The following ACSS3 variants were observed in gnomAD, a reference collection of about 807,000 sequenced individuals.
ACSS3 encodes the protein acyl-CoA synthetase short-chain family member 3, mitochondrial.
A neutral mutation model predicts 84.2 loss-of-function variants in ACSS3; 64 were observed. The ratio of observed to expected loss-of-function variants is 0.76; its 90% confidence interval spans 0.62 to 0.94. The LOEUF is 0.94. Among genes scored for constraint, ACSS3 ranks in the 40% least tolerant of loss-of-function variants. The pLI is 0.00. For synonymous variants in ACSS3, 317 were observed against 310.1 expected (o/e 1.02, Z -0.23); for missense variants, 815 against 867.6 (o/e 0.94, Z 0.76).
At chr12:81,140,499 A>G (rs1208047378) in intron 4 of ACSS3, among the ~76,000 whole-genome samples, 1 of 152,220 alleles carries the variant, frequency 6.6e-6, no homozygotes, top group Non-Finnish European at 1.5e-5. Flanking sequence ...ATGACAAGAT[A>G]TGAGAACAGA....
chr12:81,229,971 A>G (rs2033400912), intron 11 of ACSS3, among the ~76,000 whole-genome samples: 1 of 151,834 alleles, frequency 6.6e-6, no homozygotes, highest in Non-Finnish European at 1.5e-5. Flanking sequence ...ATGAAGTTCT[A>G]ATGTTGAGGT....
At chr12:81,220,997 A>G (rs930556960) in intron 11 of ACSS3, among the ~76,000 whole-genome samples, 6 of 152,108 alleles carry the variant, frequency 3.9e-5, no homozygotes, top group African/African-American at 1.4e-4. Context: ...ATCATCTTAT[A>G]AAGTTCCTGA....
intron 2 of ACSS3, among the ~76,000 whole-genome samples, chr12:81,130,635 G>C (rs891441934): frequency 6.6e-6 from 1 of 152,076 alleles, no homozygotes; most frequent in Admixed American, 6.6e-5. Context: ...AGTTTAATTA[G>C]ATCCCATTTG....
intron 13 of ACSS3, among the ~76,000 whole-genome samples, chr12:81,251,823 G>C (rs4601887): frequency 6.6e-6 from 1 of 151,832 alleles, no homozygotes; most frequent in South Asian, 2.1e-4. Context: ...AGCTTAGGTG[G>C]CAGAGTGAGA....
intron 11 of ACSS3, among the ~76,000 whole-genome samples, chr12:81,229,048 C>T (rs1007058239): frequency 1.3e-5 from 2 of 151,718 alleles, no homozygotes; most frequent in Admixed American, 6.6e-5. Flanking sequence ...CTGTAATTTG[C>T]TTCAGACTCC....
intron 7 of ACSS3, among the ~76,000 whole-genome samples, chr12:81,170,685 C>T (rs2029967889): frequency 6.6e-6 from 1 of 152,094 alleles, no homozygotes; most frequent in African/African-American, 2.4e-5. Context: ...AAAATCCCTG[C>T]ATTCTTAGAA....
intron 11 of ACSS3, among the ~76,000 whole-genome samples, chr12:81,223,955 GC>G (rs1227008832): frequency 6.6e-6 from 1 of 151,932 alleles, no homozygotes; most frequent in Non-Finnish European, 1.5e-5. Flanking sequence ...CCTTTGTCCT[GC>G]CCTAGTTATT....
intron 9 of ACSS3, among the ~76,000 whole-genome samples, chr12:81,207,772 C>G (rs545841605): frequency 1.3e-5 from 2 of 152,186 alleles, no homozygotes; most frequent in East Asian, 3.9e-4. Flanking sequence ...TTCTTCTGTG[C>G]TGTCCTGGGT....
At chr12:81,097,816 T>TA (rs1256927480) in intron 1 of ACSS3, among the ~76,000 whole-genome samples, 14 of 152,300 alleles carry the variant, frequency 9.2e-5, no homozygotes, top group African/African-American at 3.4e-4. Flanking sequence ...CAACTAACAC[T>TA]AATACCAGTG....
At chr12:81,185,232 C>A (rs908421078) in intron 8 of ACSS3, among the ~76,000 whole-genome samples, 6 of 151,598 alleles carry the variant, frequency 4.0e-5, no homozygotes, top group Non-Finnish European at 7.4e-5. Flanking sequence ...TATGAAAAAC[C>A]TACAGCTAAC....
At chr12:81,152,201 G>A (rs1368909689) in intron 7 of ACSS3, 105 bp downstream of exon 7, 3 of 786,230 alleles carry the variant, frequency 3.8e-6, no homozygotes, top group East Asian at 5.5e-5. Flanking sequence ...GGGGACAGGG[G>A]ACATTATTAT....
intron 1 of ACSS3, among the ~76,000 whole-genome samples, chr12:81,102,706 G>A (rs1295144499): frequency 6.6e-6 from 1 of 151,688 alleles, no homozygotes; most frequent in Non-Finnish European, 1.5e-5. Context: ...GTGCACACCT[G>A]TAGTCCCAGC....
At chr12:81,180,124 C>G (rs1463494555) in intron 8 of ACSS3, among the ~76,000 whole-genome samples, 1 of 152,144 alleles carries the variant, frequency 6.6e-6, no homozygotes. Context: ...CAAATTAATG[C>G]AGGAACAGAA....
rs1421347311 is a variant in ACSS3 at position 81,078,380 on chromosome 12, A to T, written c.260A>T (p.Tyr87Phe). ...WGKAAEQISW[Y>F]KPWTKTLENK... is the part of the protein sequence containing the mutation. ...AAAGCTGCCGAGCAGATCAGCTGGT[A>T]CAAGCCCTGGACCAAAACGCTGGAG... Residue 87 changes from tyrosine (Y) to phenylalanine (F), a missense_variant, in exon 1 of 16, where the codon TAC becomes TTC. Coordinates refer to ENST00000548058, the MANE Select transcript of ACSS3 (RefSeq NM_024560.4). 4 of 1,612,628 alleles carry T rather than the reference A, an allele frequency of 2.5e-6. No individual in the cohort carries two copies. Among genetic ancestry groups the T allele is most frequent in the Admixed American group, 1.7e-5 (1 of 59,980 alleles).
At chr12:81,212,038 C>A (rs891476936) in intron 9 of ACSS3, among the ~76,000 whole-genome samples, 2 of 152,208 alleles carry the variant, frequency 1.3e-5, no homozygotes, top group Admixed American at 1.3e-4. Context: ...GTCTTCTCTT[C>A]TTTCAGATGT....
chr12:81,245,985 G>A (rs1038090408), intron 13 of ACSS3, among the ~76,000 whole-genome samples: 5 of 152,200 alleles, frequency 3.3e-5, no homozygotes, highest in East Asian at 1.9e-4. Context: ...TTCCTGCAAC[G>A]TCTACAGGAA....
In ACSS3 at chr12:81,260,304, G is replaced by GT. The variant is rs1196080409; in HGVS notation, c.*5383dup. 6.6e-6 allele frequency: 1 copy of GT among 152,064 alleles called. No individual in the cohort carries two copies. The highest frequency in any genetic ancestry group is 1.5e-5 in the Non-Finnish European group (1 of 68,016). 9.4% of individuals were successfully genotyped at this position (152,064 alleles called of 1,614,324 possible). On this transcript the variant is annotated 3_prime_UTR_variant, in exon 16 of 16. Transcript: ENST00000548058. Reference sequence around the variant, plus strand: ...ATGAATACTGTTATCCCAATTAATGGTAAAAACTAGGAAATATGAACTAGA... The same window carrying GT: ...ATGAATACTGTTATCCCAATTAATGGTTAAAAACTAGGAAATATGAACTAGA...
rs770106645 is a variant in ACSS3 at position 81,254,373 on chromosome 12, C to A, written c.1996-484C>A. The stretch of plus-strand genomic sequence containing the variant: ...GAGAAAGCAAAATAATTGAGGCTAG[C>A]GGCAGTAGATGTTTAAAATGCTCTA... On this transcript the variant is annotated intron_variant, in intron 15 of 15. Transcript: ENST00000548058. Among the ~76,000 whole-genome samples the A allele has an allele frequency of 2.0e-5, 3 of 152,036 alleles. No homozygotes were observed. The South Asian group carries it at 6.2e-4, about 31-fold the overall frequency.
intron 2 of ACSS3, among the ~76,000 whole-genome samples, chr12:81,112,249 T>C (rs1883663490): frequency 6.6e-6 from 1 of 152,196 alleles, no homozygotes; most frequent in Non-Finnish European, 1.5e-5. Flanking sequence ...TTCTTATTGG[T>C]ATACAAATAC....
Sources: gnomAD v4.1 joint callset for allele counts (sites outside exome capture counted in the v4.1 genomes callset) on GRCh38, gnomAD v4.1.1 for gene constraint, MANE v1.5 for transcripts, NCBI Gene and HGNC (gene_info 2026-07-23, HGNC 2026-07-21) for gene names.